The following LRMDA variants were observed in gnomAD, a reference collection of about 807,000 sequenced individuals.
The protein encoded by LRMDA is leucine-rich melanocyte differentiation-associated protein.
Under a neutral mutation model 29.8 loss-of-function variants are expected in LRMDA, and 18 were observed. That is an observed-to-expected ratio of 0.60 (90% CI 0.42 to 0.90). The LOEUF (loss-of-function observed/expected upper bound fraction) is 0.90, where lower values mean the gene tolerates loss of function less well. Ranked by LOEUF, LRMDA falls within the 40% of genes least tolerant of loss-of-function variation. The pLI, the probability that LRMDA is intolerant of heterozygous loss-of-function variation, is 0.00. For synonymous variants in LRMDA, 125 were observed against 109.4 expected (o/e 1.14, Z -0.89); for missense variants, 273 against 273.9 (o/e 1.00, Z 0.02).
At chr10:76,060,008 T>A (rs1196288103) in intron 5 of LRMDA, among the ~76,000 whole-genome samples, 1 of 152,258 alleles carries the variant, frequency 6.6e-6, no homozygotes, top group Non-Finnish European at 1.5e-5. Flanking sequence ...GTTTGATGTA[T>A]TGCACACAAC....
At position 75,800,063 on chromosome 10, in the gene LRMDA, C is replaced by G. The variant is rs1172360522; in HGVS notation, c.132-235945C>G. Among the ~76,000 whole-genome samples, 2 of 152,058 alleles carry G rather than the reference C, an allele frequency of 1.3e-5. 1 individual carries two copies. Among genetic ancestry groups the G allele is most frequent in the South Asian group, 4.1e-4 (2 of 4,822 alleles). On this transcript the variant is annotated intron_variant, in intron 2 of 6. Transcript: ENST00000611255. ...TTGATCTTTCTTCAAGTTGAGTGGTCCTTTTTTCCCCCTTGACATTTCCAT... is the reference window on the plus strand; with the variant it reads ...TTGATCTTTCTTCAAGTTGAGTGGTGCTTTTTTCCCCCTTGACATTTCCAT...
At chr10:76,544,278 A>G (rs1183275950) in intron 6 of LRMDA, among the ~76,000 whole-genome samples, 1 of 152,124 alleles carries the variant, frequency 6.6e-6, no homozygotes, top group Non-Finnish European at 1.5e-5. Flanking sequence ...CCCATGGGCA[A>G]TTTTTTCCCC....
intron 5 of LRMDA, among the ~76,000 whole-genome samples, chr10:76,123,522 AAAAAC>A (rs1183537186): frequency 6.6e-6 from 1 of 152,198 alleles, no homozygotes; most frequent in Non-Finnish European, 1.5e-5. Context: ...ACACAAAAAC[AAAAAC>A]AAAACAAGTC....
intron 2 of LRMDA, among the ~76,000 whole-genome samples, chr10:75,593,608 CTG>C (rs973863301): frequency 6.6e-6 from 1 of 152,272 alleles, no homozygotes; most frequent in African/African-American, 2.4e-5. Flanking sequence ...AAGTGATTGA[CTG>C]TTCACTTTGC....
At chr10:75,560,933 T>G (rs2132061927) in intron 2 of LRMDA, among the ~76,000 whole-genome samples, 1 of 151,996 alleles carries the variant, frequency 6.6e-6, no homozygotes, top group African/African-American at 2.4e-5. Context: ...GGATTTGGTT[T>G]GCCAGTATTT....
chr10:76,181,574 T>C (rs1851051143), intron 5 of LRMDA, among the ~76,000 whole-genome samples: 1 of 152,178 alleles, frequency 6.6e-6, no homozygotes, highest in African/African-American at 2.4e-5. Context: ...GTGTTTTTGT[T>C]GGGGGCAGCA....
In LRMDA at chr10:75,802,335, GCACACA is replaced by G. The variant is rs10571839; in HGVS notation, c.132-233646_132-233641del. Among the ~76,000 whole-genome samples the G allele has an allele frequency of 1.9e-3, 276 of 147,124 alleles. 2 individuals are homozygous for G. The highest frequency in any genetic ancestry group is 1.2e-3 in the African/African-American group (46 of 39,600). On this transcript the variant is annotated intron_variant, in intron 2 of 6. Transcript: ENST00000611255. ...CCTATCTCTAAACACACACACACGC[GCACACA>G]CACACACACACACACACACACACAC... is the stretch of plus-strand genomic sequence containing the variant.
chr10:76,101,387 A>G (rs554165134), intron 5 of LRMDA, among the ~76,000 whole-genome samples: 2 of 152,298 alleles, frequency 1.3e-5, no homozygotes, highest in Admixed American at 1.3e-4. Context: ...AAGTTCTAGT[A>G]TGGCAGAATT....
At chr10:76,095,445 A>G (rs1215019669) in intron 5 of LRMDA, among the ~76,000 whole-genome samples, 1 of 152,174 alleles carries the variant, frequency 6.6e-6, no homozygotes, top group Admixed American at 6.5e-5. Context: ...TTTGCATAGA[A>G]TTTTTGTGTG....
intron 5 of LRMDA, among the ~76,000 whole-genome samples, chr10:76,116,107 C>T (rs148773282): frequency 1.1e-4 from 17 of 152,210 alleles, no homozygotes; most frequent in Non-Finnish European, 1.6e-4. Flanking sequence ...GTGGGATGCC[C>T]GCACCTGTGC....
At chr10:75,925,676 T>TC (rs1164799694) in intron 2 of LRMDA, among the ~76,000 whole-genome samples, 2 of 151,718 alleles carry the variant, frequency 1.3e-5, no homozygotes, top group Non-Finnish European at 2.9e-5. Context: ...TTTTTCTTTT[T>TC]TTTTTTTGGA....
intron 5 of LRMDA, among the ~76,000 whole-genome samples, chr10:76,240,306 T>C (rs1448544198): frequency 6.6e-6 from 1 of 151,312 alleles, no homozygotes; most frequent in Admixed American, 6.6e-5. Context: ...TTGGAGACCA[T>C]TATTCTAAGT....
In LRMDA at chr10:75,473,080, G is replaced by C. The variant is rs541134031; in HGVS notation, c.131+34586G>C. 8.5e-5 allele frequency among the ~76,000 whole-genome samples: 13 copies of C among 152,374 alleles called. No homozygotes were observed. The East Asian group carries it at 9.6e-4, about 11-fold the overall frequency. Reference sequence around the variant, plus strand: ...AGGTTTGCATCTCTTCTTCCCCCATGATGGACCAGGAGAGAGAGCTGTTTT... The same window carrying C: ...AGGTTTGCATCTCTTCTTCCCCCATCATGGACCAGGAGAGAGAGCTGTTTT... On this transcript the variant is annotated intron_variant, in intron 2 of 6. Transcript: ENST00000611255.
chr10:76,062,648 TTA>T (rs1564642831), intron 5 of LRMDA, among the ~76,000 whole-genome samples: 1 of 104,168 alleles, frequency 9.6e-6, no homozygotes, highest in Non-Finnish European at 2.1e-5. Flanking sequence ...CTTCCAGACT[TTA>T]TCTCTCTGTG....
chr10:76,490,528 C>T (rs1469494007), intron 6 of LRMDA, among the ~76,000 whole-genome samples: 1 of 151,794 alleles, frequency 6.6e-6, no homozygotes. Flanking sequence ...TTTCATTATA[C>T]AGTGATCTTC....
chr10:75,793,668 C>A (rs895941342), intron 2 of LRMDA, among the ~76,000 whole-genome samples: 4 of 152,244 alleles, frequency 2.6e-5, no homozygotes, highest in East Asian at 1.9e-4. Context: ...GTAATCATAT[C>A]ACTGAGTTGT....
chr10:75,454,920 C>T (rs752895050), intron 2 of LRMDA, among the ~76,000 whole-genome samples: 2 of 152,198 alleles, frequency 1.3e-5, no homozygotes, highest in East Asian at 1.9e-4. Flanking sequence ...TGTTCCAACT[C>T]GTGTCGTGAA....
At chr10:76,192,971 T>C (rs1346013441) in intron 5 of LRMDA, among the ~76,000 whole-genome samples, 3 of 152,202 alleles carry the variant, frequency 2.0e-5, no homozygotes, top group African/African-American at 7.2e-5. Context: ...TGAAAGCAAA[T>C]TAAAGACTTT....
At chr10:75,849,405 A>G (rs932388965) in intron 2 of LRMDA, among the ~76,000 whole-genome samples, 5 of 152,040 alleles carry the variant, frequency 3.3e-5, no homozygotes, top group African/African-American at 1.2e-4. Flanking sequence ...CATATATACC[A>G]TGAAATACTA....
Sources: allele counts gnomAD v4.1 joint callset (sites outside exome capture counted in the v4.1 genomes callset), GRCh38; gene constraint gnomAD v4.1.1; transcripts MANE v1.5; gene names NCBI Gene and HGNC (gene_info 2026-07-23, HGNC 2026-07-21).